Variants in CAMK1D observed in about 807,000 individuals in gnomAD.
CAMK1D encodes the protein calcium/calmodulin dependent protein kinase ID.
A neutral mutation model predicts 47.7 loss-of-function variants in CAMK1D; 9 were observed. That is an observed-to-expected ratio of 0.19 (90% CI 0.11 to 0.33). The LOEUF (loss-of-function observed/expected upper bound fraction) is 0.33, where lower values mean the gene tolerates loss of function less well. Ranked by LOEUF, CAMK1D falls within the 10% of genes least tolerant of loss-of-function variation. The probability of loss-of-function intolerance (pLI) is 1.00; values close to 1 mark genes in which losing one functional copy is unlikely to be tolerated. For synonymous variants in CAMK1D, 184 were observed against 184.9 expected, an observed-to-expected ratio of 0.99 and a Z score of 0.04; for missense variants, 291 against 488.7, an observed-to-expected ratio of 0.60 and a Z score of 3.81.
rs111450503 is a variant in CAMK1D, at chr10:12,499,687, G to C, written c.93-53538G>C. 4.6e-5 allele frequency among the ~76,000 whole-genome samples: 7 copies of C among 152,310 alleles called. No homozygotes were observed. In the South Asian group the frequency reaches 1.5e-3, roughly 32 times the overall value. ...GGGATTTTCACTTTAGAGCAGACCA[G>C]GCAGTGAAGAACAAGGTCATTGGTT... is the stretch of plus-strand genomic sequence containing the variant. On this transcript the variant is annotated intron_variant, in intron 1 of 10. Coordinates refer to ENST00000619168, the MANE Select transcript of CAMK1D (RefSeq NM_153498.4).
At chr10:12,603,535 C>T (rs1838366678) in intron 2 of CAMK1D, among the ~76,000 whole-genome samples, 1 of 152,202 alleles carries the variant, frequency 6.6e-6, no homozygotes, top group African/African-American at 2.4e-5. Context: ...GCCTTCTCAC[C>T]TGCCTTCCTC....
intron 1 of CAMK1D, among the ~76,000 whole-genome samples, chr10:12,428,367 T>C (rs183348615): frequency 7.7e-4 from 117 of 152,334 alleles, no homozygotes; most frequent in African/African-American, 2.8e-3. Context: ...CCCTTGAATA[T>C]AGATAGCTTG....
rs138819847 is a variant in CAMK1D, at chr10:12,793,137, A to G, written c.641+1904A>G. The stretch of plus-strand genomic sequence containing the variant: ...AGGTCCTGCCTCATCCAGCTTGACT[A>G]TGGAAGGCTTAAGGAAATAAATGCT... On this transcript the variant is annotated intron_variant, in intron 6 of 10. Coordinates refer to ENST00000619168, the MANE Select transcript of CAMK1D (RefSeq NM_153498.4). Among the ~76,000 whole-genome samples the G allele has an allele frequency of 5.9e-3, 898 of 152,232 alleles. 4 individuals carry two copies. The highest frequency in any genetic ancestry group is 0.034 in the Middle Eastern group (10 of 294).
rs1171556305 is a variant in CAMK1D, at chr10:12,574,468, A to ATTT, written c.224+21139_224+21141dup. Reference sequence around the variant, plus strand: ...AGGTGCACACCACCACGCCTAGCTAATTTTTTTTTTTTTTTTTTTTTTTTT... The same window carrying ATTT: ...AGGTGCACACCACCACGCCTAGCTAATTTTTTTTTTTTTTTTTTTTTTTTTTTT... On this transcript the variant is annotated intron_variant, in intron 2 of 10. Coordinates refer to ENST00000619168, the MANE Select transcript of CAMK1D (RefSeq NM_153498.4). 6.5e-3 allele frequency among the ~76,000 whole-genome samples: 399 copies of ATTT among 61,368 alleles called. 33 individuals are homozygous for ATTT. Among genetic ancestry groups the ATTT allele is most frequent in the African/African-American group, 8.2e-3 (112 of 13,602 alleles). The allele number at this position is 61,368 out of a possible 152,430, so 40.3% of individuals were successfully genotyped here. A position where few individuals can be genotyped will look rare whatever the true frequency, so the allele number is the denominator to read the frequency against.
intron 1 of CAMK1D, among the ~76,000 whole-genome samples, chr10:12,421,525 T>TTC (rs1304897223): frequency 7.8e-6 from 1 of 128,174 alleles, no homozygotes; most frequent in East Asian, 2.3e-4. Flanking sequence ...TTTTTTTTTT[T>TTC]TTTTTTTTTT....
At chr10:12,591,280 G>C (rs1483677278) in intron 2 of CAMK1D, among the ~76,000 whole-genome samples, 1 of 152,146 alleles carries the variant, frequency 6.6e-6, no homozygotes, top group Non-Finnish European at 1.5e-5. Context: ...AATTGGCCCG[G>C]CATGCCCAGG....
intron 1 of CAMK1D, among the ~76,000 whole-genome samples, chr10:12,468,745 C>G (rs1240089809): frequency 6.6e-6 from 1 of 152,170 alleles, no homozygotes; most frequent in African/African-American, 2.4e-5. Flanking sequence ...TTGTCAGGGG[C>G]TCTTAAGTCT....
intron 2 of CAMK1D, among the ~76,000 whole-genome samples, chr10:12,632,653 C>A (rs1251488249): frequency 6.6e-6 from 1 of 152,040 alleles, no homozygotes; most frequent in Non-Finnish European, 1.5e-5. Context: ...GGGCTGGGAC[C>A]CAGATCTTTG....
intron 1 of CAMK1D, among the ~76,000 whole-genome samples, chr10:12,481,203 T>G (rs1834055482): frequency 6.6e-6 from 1 of 152,196 alleles, no homozygotes; most frequent in Non-Finnish European, 1.5e-5. Flanking sequence ...ACATCACTAT[T>G]GTGGTGTTAG....
chr10:12,689,352 GT>G (rs1308939501), intron 3 of CAMK1D, among the ~76,000 whole-genome samples: 1 of 152,176 alleles, frequency 6.6e-6, no homozygotes. Context: ...CCTGTTAGTA[GT>G]TTGACCACCT....
intron 2 of CAMK1D, among the ~76,000 whole-genome samples, chr10:12,632,175 C>A (rs888412049): frequency 1.1e-4 from 17 of 152,206 alleles, no homozygotes; most frequent in African/African-American, 3.6e-4. Context: ...CGCATCCCTT[C>A]TTGAAATCTT....
chr10:12,684,421 C>T (rs1006365468), intron 3 of CAMK1D, among the ~76,000 whole-genome samples: 9 of 151,820 alleles, frequency 5.9e-5, no homozygotes, highest in African/African-American at 1.9e-4. Context: ...TATGCCAAGT[C>T]GTTTGGAAGA....
intron 1 of CAMK1D, among the ~76,000 whole-genome samples, chr10:12,477,883 G>A (rs921409886): frequency 9.9e-5 from 15 of 152,116 alleles, no homozygotes; most frequent in African/African-American, 2.2e-4. Flanking sequence ...ATGGAATCCC[G>A]TATGCTTTAT....
chr10:12,429,406 C>T (rs1160234816), intron 1 of CAMK1D, among the ~76,000 whole-genome samples: 1 of 151,694 alleles, frequency 6.6e-6, no homozygotes. Flanking sequence ...GTGGTGTGAT[C>T]TCGGCTCATT....
chr10:12,822,492 G>GC (rs1299640451), intron 8 of CAMK1D, among the ~76,000 whole-genome samples: 1 of 152,256 alleles, frequency 6.6e-6, no homozygotes, highest in Non-Finnish European at 1.5e-5. Flanking sequence ...TAGGCAGCAG[G>GC]CCACGGGCCG....
chr10:12,358,185 A>G (rs2997067), intron 1 of CAMK1D, among the ~76,000 whole-genome samples: 149,851 of 152,178 alleles, frequency 0.98, 73,814 homozygotes, highest in Non-Finnish European at 1. Context: ...TGATGGTACC[A>G]CTACACCCCA....
intron 1 of CAMK1D, among the ~76,000 whole-genome samples, chr10:12,390,260 T>TG (rs1838677140): frequency 6.6e-6 from 1 of 152,052 alleles, no homozygotes; most frequent in Admixed American, 6.6e-5. Context: ...AAAAAAAAGA[T>TG]GGGGTCTTGC....
rs148266017 is a variant in CAMK1D at position 12,487,292 on chromosome 10, G to A, written c.93-65933G>A. ...GGCTTCTCCTCAAGGTCTCTTTATC[G>A]GGTTTCCTCTTTTATATGGAAAATT... On this transcript the variant is annotated intron_variant, in intron 1 of 10. Coordinates refer to ENST00000619168, the MANE Select transcript of CAMK1D (RefSeq NM_153498.4). Among the ~76,000 whole-genome samples, 16 of 152,140 alleles carry A rather than the reference G, an allele frequency of 1.1e-4. No homozygotes were observed. In the South Asian group the frequency reaches 3.1e-3, roughly 30 times the overall value.
chr10:12,652,532 GA>G, intron 2 of CAMK1D, among the ~76,000 whole-genome samples: 1 of 151,888 alleles, frequency 6.6e-6, no homozygotes, highest in East Asian at 1.9e-4. Flanking sequence ...AGCTTGCAGT[GA>G]GCAGAGAGTG....
Sources: gnomAD v4.1 joint callset for allele counts (sites outside exome capture counted in the v4.1 genomes callset) on GRCh38, gnomAD v4.1.1 for gene constraint, MANE v1.5 for transcripts, NCBI Gene and HGNC (gene_info 2026-07-23, HGNC 2026-07-21) for gene names.